The following TRPM3 variants were observed in gnomAD, a reference collection of about 807,000 sequenced individuals.
TRPM3 encodes long transient receptor potential channel 3.
In TRPM3, 77 loss-of-function variants were observed where a neutral mutation model predicts 181.2. The ratio of observed to expected loss-of-function variants is 0.42; its 90% CI spans 0.35 to 0.51. The LOEUF is 0.51. TRPM3 is among the 20% of genes least tolerant of loss of function. The probability of loss-of-function intolerance (pLI) is 0.01; values close to 1 mark genes in which losing one functional copy is unlikely to be tolerated. For synonymous variants in TRPM3, 745 were observed against 796.4 expected, an observed-to-expected ratio of 0.94 and a Z score of 1.09; for missense variants, 1,759 against 2,196.7, an observed-to-expected ratio of 0.80 and a Z score of 3.98.
intron 21 of TRPM3, among the ~76,000 whole-genome samples, chr9:70,593,176 G>A (rs539385930): frequency 2.6e-5 from 4 of 152,204 alleles, no homozygotes; most frequent in African/African-American, 9.6e-5. Flanking sequence ...AACCAAACAG[G>A]AATATCTTAA....
intron 1 of TRPM3, among the ~76,000 whole-genome samples, chr9:71,195,275 T>C (rs887836457): frequency 1.3e-4 from 20 of 152,148 alleles, no homozygotes; most frequent in African/African-American, 4.1e-4. Context: ...AAAGGTCTAA[T>C]ATCTAGCATC....
chr9:71,024,800 A>G (rs1328481860), intron 1 of TRPM3, among the ~76,000 whole-genome samples: 4 of 152,134 alleles, frequency 2.6e-5, no homozygotes, highest in Non-Finnish European at 5.9e-5. Context: ...TAAGTTTCCT[A>G]CTTTTTCCTT....
intron 22 of TRPM3, among the ~76,000 whole-genome samples, chr9:70,584,428 C>T (rs1342955531): frequency 2.0e-5 from 3 of 152,172 alleles, no homozygotes; most frequent in African/African-American, 7.2e-5. Context: ...TCATCCTGAT[C>T]AAAGTCTTCC....
At chr9:70,829,060 T>C (rs2093732427) in intron 5 of TRPM3, among the ~76,000 whole-genome samples, 1 of 152,200 alleles carries the variant, frequency 6.6e-6, no homozygotes, top group Admixed American at 6.5e-5. Context: ...AATTGCTACA[T>C]GGTCTTAGTA....
intron 1 of TRPM3, among the ~76,000 whole-genome samples, chr9:71,310,827 C>T (rs2087856006): frequency 6.6e-6 from 1 of 152,028 alleles, no homozygotes; most frequent in South Asian, 2.1e-4. Context: ...CCAAAGAAAG[C>T]TTAACCTAAC....
chr9:71,012,482 C>G (rs1004740542), intron 1 of TRPM3, among the ~76,000 whole-genome samples: 2 of 150,984 alleles, frequency 1.3e-5, no homozygotes, highest in Admixed American at 1.3e-4. Flanking sequence ...CAGCTATTAT[C>G]AGATGTTTAT....
At chr9:71,237,350 T>C (rs1403484312) in intron 1 of TRPM3, among the ~76,000 whole-genome samples, 1 of 152,144 alleles carries the variant, frequency 6.6e-6, no homozygotes, top group African/African-American at 2.4e-5. Context: ...AACATTTTCC[T>C]ACATCATATC....
intron 9 of TRPM3, among the ~76,000 whole-genome samples, chr9:70,644,102 T>C (rs2058465014): frequency 6.6e-6 from 1 of 152,222 alleles, no homozygotes; most frequent in South Asian, 2.1e-4. Context: ...CTCTCTCTGC[T>C]GGGAACTGAT....
At chr9:70,936,118 T>C (rs2096826539) in intron 1 of TRPM3, among the ~76,000 whole-genome samples, 1 of 152,252 alleles carries the variant, frequency 6.6e-6, no homozygotes, top group African/African-American at 2.4e-5. Flanking sequence ...TGAAAATAAC[T>C]TTATAATTTA....
At chr9:71,226,838 A>C (rs369242607) in intron 1 of TRPM3, among the ~76,000 whole-genome samples, 2 of 152,234 alleles carry the variant, frequency 1.3e-5, no homozygotes, top group East Asian at 1.9e-4. Flanking sequence ...TCCAGATGGA[A>C]GATCAACAAC....
chr9:71,422,265 A>G (rs1219117922), intron 1 of TRPM3, among the ~76,000 whole-genome samples: 3 of 152,054 alleles, frequency 2.0e-5, no homozygotes, highest in Admixed American at 1.3e-4. Flanking sequence ...ATCATACTGA[A>G]AGAAGAATAT....
chr9:71,032,028 A>T (rs12552481), intron 1 of TRPM3, among the ~76,000 whole-genome samples: 265 of 1,160 alleles, frequency 0.23, 49 homozygotes, highest in East Asian at 0.56. Context: ...TATATATATA[A>T]TATAAATATA....
At chr9:70,776,696 G>A (rs1324535007) in intron 7 of TRPM3, among the ~76,000 whole-genome samples, 1 of 152,162 alleles carries the variant, frequency 6.6e-6, no homozygotes, top group Non-Finnish European at 1.5e-5. Flanking sequence ...GAGAAATGTG[G>A]TGATTGATGG....
intron 1 of TRPM3, among the ~76,000 whole-genome samples, chr9:71,080,084 C>T (rs1278685664): frequency 2.3e-4 from 35 of 151,784 alleles, no homozygotes; most frequent in Admixed American, 2.1e-3. Flanking sequence ...GCAGGAGAAT[C>T]GCTTGAACCC....
At chr9:70,652,774 C>T (rs1399550350) in intron 9 of TRPM3, among the ~76,000 whole-genome samples, 1 of 152,138 alleles carries the variant, frequency 6.6e-6, no homozygotes, top group African/African-American at 2.4e-5. Flanking sequence ...GTCAAAGTGG[C>T]TGAGAGGTTC....
chr9:70,969,375 T>C (rs1014875288), intron 1 of TRPM3, among the ~76,000 whole-genome samples: 14 of 151,964 alleles, frequency 9.2e-5, no homozygotes, highest in Non-Finnish European at 1.5e-4. Context: ...TACACCTACA[T>C]AATGAAACTG....
chr9:70,867,283 G>A (rs1245932196), intron 1 of TRPM3, among the ~76,000 whole-genome samples: 1 of 152,012 alleles, frequency 6.6e-6, no homozygotes, highest in Non-Finnish European at 1.5e-5. Flanking sequence ...AAGAATCTGT[G>A]CTGCAAAGAC....
intron 5 of TRPM3, among the ~76,000 whole-genome samples, chr9:70,831,964 T>TAA (rs1390486630): frequency 4.7e-5 from 2 of 42,114 alleles, no homozygotes; most frequent in Non-Finnish European, 8.6e-5. Flanking sequence ...ACCCCATAAA[T>TAA]ATATATATAT....
At chr9:70,976,886 G>A (rs1038342057) in intron 1 of TRPM3, among the ~76,000 whole-genome samples, 2 of 152,168 alleles carry the variant, frequency 1.3e-5, no homozygotes, top group Non-Finnish European at 2.9e-5. Flanking sequence ...AGGACACCAG[G>A]TGCTGCCACT....
Sources: allele counts gnomAD v4.1 joint callset (sites outside exome capture counted in the v4.1 genomes callset), GRCh38; gene constraint gnomAD v4.1.1; transcripts MANE v1.5; gene names NCBI Gene and HGNC (gene_info 2026-07-23, HGNC 2026-07-21).